The following ANKRD30BL variants were observed in gnomAD, a reference collection of about 807,000 sequenced individuals.
ANKRD30BL encodes the protein putative ankyrin repeat domain-containing protein 30B-like.
A neutral mutation model predicts 18.4 loss-of-function variants in ANKRD30BL; 20 were observed. The observed-to-expected ratio is 1.09, with a 90% CI of 0.77 to 1.58. The LOEUF (loss-of-function observed/expected upper bound fraction) is 1.58, where lower values mean the gene tolerates loss of function less well. Among genes scored for constraint, ANKRD30BL ranks in the 40% most tolerant of loss-of-function variants. The pLI is 0.00. For missense variants in ANKRD30BL, 224 were observed against 268.6 expected, an observed-to-expected ratio of 0.83 and a Z score of 1.16; for synonymous variants, 72 against 100.9, an observed-to-expected ratio of 0.71 and a Z score of 1.72.
intron 1 of ANKRD30BL, among the ~76,000 whole-genome samples, chr2:132,198,182 A>G (rs918430657): frequency 1.3e-5 from 2 of 151,476 alleles, no homozygotes; most frequent in East Asian, 1.9e-4. Context: ...TTGCAATTGT[A>G]TAGTTTTTAT....
At chr2:132,164,269 CTTT>C (rs796313755), upstream of ANKRD30BL, among the ~76,000 whole-genome samples, 298 of 112,174 alleles carry the variant, frequency 2.7e-3, 2 homozygotes, top group East Asian at 0.024. Context: ...TTTTCTTTTT[CTTT>C]TTTTTTTTTT....
At chr2:132,204,097 C>T (rs201897023) in intron 1 of ANKRD30BL, among the ~76,000 whole-genome samples, 1 of 152,142 alleles carries the variant, frequency 6.6e-6, no homozygotes, top group Admixed American at 6.6e-5. Flanking sequence ...AAGATCTCAG[C>T]CTTTGTATCA....
At chr2:132,205,646 A>G (rs1303671239) in intron 1 of ANKRD30BL, among the ~76,000 whole-genome samples, 1 of 151,678 alleles carries the variant, frequency 6.6e-6, no homozygotes, top group Non-Finnish European at 1.5e-5. Context: ...AAGAAAGAAA[A>G]AAATAAAAGA....
At chr2:132,222,440 T>G (rs1679717856) in intron 1 of ANKRD30BL, among the ~76,000 whole-genome samples, 1 of 151,780 alleles carries the variant, frequency 6.6e-6, no homozygotes, top group Non-Finnish European at 1.5e-5. Context: ...GGTTGCCGGG[T>G]CTGTGTGGAT....
chr2:132,219,087 AATCTGCAAGTGG>A (rs1679594282), intron 1 of ANKRD30BL, among the ~76,000 whole-genome samples: 1 of 151,160 alleles, frequency 6.6e-6, no homozygotes, highest in Non-Finnish European at 1.5e-5. Context: ...CTTGTTGCAG[AATCTGCAAGTGG>A]ACATTTGGAG....
chr2:132,231,647 A>G (rs113077218), intron 1 of ANKRD30BL, among the ~76,000 whole-genome samples: 8,824 of 152,148 alleles, frequency 0.058, 833 homozygotes, highest in African/African-American at 0.2. Flanking sequence ...AAAAAACGGC[A>G]CACCACGAGA....
rs1687832012 is a variant in ANKRD30BL, at chr2:132,153,862, A to AC, written c.614+799dup. Among the ~76,000 whole-genome samples, 6 of 152,114 alleles carry AC rather than the reference A, an allele frequency of 3.9e-5. No homozygotes were observed. In the South Asian group the frequency reaches 1.2e-3, roughly 32 times the overall value. On this transcript the variant is annotated intron_variant, in intron 4 of 5. Coordinates refer to ENST00000409867, the MANE Select transcript of ANKRD30BL (RefSeq NM_001358416.1). ...AAGGCTAAAAGGAAGGGGTGAAAAG[A>AC]CTCATGTCTCACTGGGATATGGCAT... is the stretch of plus-strand genomic sequence containing the variant.
rs371692141 is a variant in ANKRD30BL, at chr2:132,183,813, G to T, written n.442-26667C>A. On this transcript the variant is annotated intron_variant and non_coding_transcript_variant, in intron 1 of 4. Transcript: ENST00000470729. ...TATATGCATGTTTATGCATTTTGCT[G>T]CTCTTCGTGGGATGTAATTCTCCCT... Among the ~76,000 whole-genome samples, 49 of 152,184 alleles carry T rather than the reference G, an allele frequency of 3.2e-4. 1 individual carries two copies. In the South Asian group the frequency reaches 9.7e-3, roughly 30 times the overall value.
At chr2:132,244,592 C>A in intron 1 of ANKRD30BL, among the ~76,000 whole-genome samples, 1 of 152,262 alleles carries the variant, frequency 6.6e-6, no homozygotes, top group Admixed American at 6.5e-5. Flanking sequence ...AATATCTTCC[C>A]ATAATAACTA....
At chr2:132,170,267 T>C (rs1688254450) in intron 1 of ANKRD30BL, among the ~76,000 whole-genome samples, 2 of 152,162 alleles carry the variant, frequency 1.3e-5, no homozygotes, top group South Asian at 4.1e-4. Flanking sequence ...CTTGAAATAT[T>C]AGGCTCACCG....
intron 1 of ANKRD30BL, among the ~76,000 whole-genome samples, chr2:132,214,161 A>G (rs76689201): frequency 6.6e-6 from 1 of 151,960 alleles, no homozygotes; most frequent in Non-Finnish European, 1.5e-5. Flanking sequence ...AAATATCTTC[A>G]CATAAAAACT....
chr2:132,204,305 C>T (rs1679166560), intron 1 of ANKRD30BL, among the ~76,000 whole-genome samples: 1 of 151,584 alleles, frequency 6.6e-6, no homozygotes, highest in Non-Finnish European at 1.5e-5. Context: ...GAGAATGTCT[C>T]TCAATATCAG....
At chr2:132,243,124 A>G (rs1410398233) in intron 1 of ANKRD30BL, among the ~76,000 whole-genome samples, 1 of 151,780 alleles carries the variant, frequency 6.6e-6, no homozygotes, top group African/African-American at 2.4e-5. Flanking sequence ...ACAGTCTTGA[A>G]ACTTTCTTTT....
chr2:132,231,886 G>A (rs1046468157), intron 1 of ANKRD30BL, among the ~76,000 whole-genome samples: 1 of 152,224 alleles, frequency 6.6e-6, no homozygotes. Context: ...TCTGGGGGAA[G>A]GGCACAGACA....
chr2:132,256,172 G>A (rs933288539), intron 1 of ANKRD30BL, among the ~76,000 whole-genome samples: 9 of 152,358 alleles, frequency 5.9e-5, no homozygotes, highest in Admixed American at 3.9e-4. Context: ...ACAAGCATAT[G>A]GTTCTGATAG....
chr2:132,225,800 T>C (rs112750606), intron 1 of ANKRD30BL, among the ~76,000 whole-genome samples: 2 of 151,322 alleles, frequency 1.3e-5, no homozygotes, highest in East Asian at 3.9e-4. Context: ...ACAGTTGGAG[T>C]GCTTTGAGGC....
intron 1 of ANKRD30BL, among the ~76,000 whole-genome samples, chr2:132,237,490 G>A (rs77135121): frequency 2.6e-5 from 4 of 152,094 alleles, no homozygotes; most frequent in African/African-American, 9.7e-5. Flanking sequence ...ACTTATTTGT[G>A]ATGTGTGCAT....
At chr2:132,227,415 CT>C (rs1191772007) in intron 1 of ANKRD30BL, among the ~76,000 whole-genome samples, 1 of 151,996 alleles carries the variant, frequency 6.6e-6, no homozygotes, top group Non-Finnish European at 1.5e-5. Context: ...TCAGAAACTT[CT>C]TTTTGATGTT....
intron 1 of ANKRD30BL, among the ~76,000 whole-genome samples, chr2:132,220,350 GTCCCTC>G (rs1345388299): frequency 0.055 from 4,427 of 80,156 alleles, 220 homozygotes; most frequent in South Asian, 0.12. Context: ...CCCTCTCCCT[GTCCCTC>G]TCCCTCTCCC....
Sources: allele counts gnomAD v4.1 joint callset (sites outside exome capture counted in the v4.1 genomes callset), GRCh38; gene constraint gnomAD v4.1.1; transcripts MANE v1.5; gene names NCBI Gene and HGNC (gene_info 2026-07-23, HGNC 2026-07-21).